IL1RAPL1: variants seen among roughly 807,000 people sequenced by gnomAD.
The protein encoded by IL1RAPL1 is interleukin-1 receptor accessory protein-like 1.
A neutral mutation model predicts 48.4 loss-of-function variants in IL1RAPL1; 3 were observed. The ratio of observed to expected loss-of-function variants is 0.06; its 90% CI spans 0.03 to 0.16. The LOEUF is 0.16. IL1RAPL1 is among the 10% of genes least tolerant of loss of function. The pLI, the probability that IL1RAPL1 is intolerant of heterozygous loss-of-function variation, is 1.00. For synonymous variants in IL1RAPL1, 185 were observed against 187.7 expected (o/e 0.99, Z 0.12); for missense variants, 349 against 530.6 (o/e 0.66, Z 3.36).
At chrX:29,912,773 C>A (rs767767238) in intron 6 of IL1RAPL1, among the ~76,000 whole-genome samples, 32 of 112,060 alleles carry the variant, frequency 2.9e-4, no homozygotes, top group African/African-American at 1.0e-3. Flanking sequence ...TGCTAAAAAC[C>A]TGTTGTGTAA....
chrX:29,303,640 G>A (rs1311452863), intron 3 of IL1RAPL1, among the ~76,000 whole-genome samples: 1 of 111,556 alleles, frequency 9.0e-6, no homozygotes, highest in Admixed American at 9.5e-5. Flanking sequence ...CATATGTTAC[G>A]TAAACCAAAG....
chrX:28,756,882 A>AG (rs1265129647), intron 1 of IL1RAPL1, among the ~76,000 whole-genome samples: 2 of 111,392 alleles, frequency 1.8e-5, no homozygotes, highest in Non-Finnish European at 3.8e-5. Context: ...GTATTGTTAA[A>AG]GGGGGGGCCT....
At chrX:29,051,963 A>G (rs1927102301) in intron 2 of IL1RAPL1, among the ~76,000 whole-genome samples, 1 of 111,888 alleles carries the variant, frequency 8.9e-6, no homozygotes, top group African/African-American at 3.3e-5. Flanking sequence ...TTCTCACTAT[A>G]TGTGTAAAAA....
At chrX:29,573,703 T>C (rs1215494324) in intron 5 of IL1RAPL1, among the ~76,000 whole-genome samples, 4 of 112,539 alleles carry the variant, frequency 3.6e-5, no homozygotes, top group Non-Finnish European at 7.5e-5. Context: ...TTTAGGTAGA[T>C]CCTCGTAAAA....
Position 29,955,584 on chromosome X carries a change from A to T in IL1RAPL1, c.1855A>T (p.Met619Leu), listed in dbSNP as rs1467821768. ...STFHNTYHSQ[M>L]RQKHYYRSYE... ...CTTTCACAACACGTACCATTCACAAATGCGTCAGAAACACTACTACCGAAG... is the reference window on the plus strand; with the variant it reads ...CTTTCACAACACGTACCATTCACAATTGCGTCAGAAACACTACTACCGAAG... Residue 619 changes from methionine (M) to leucine (L), a missense_variant, in exon 11 of 11, where the codon ATG (methionine) becomes TTG (leucine). Coordinates refer to ENST00000378993, the MANE Select transcript of IL1RAPL1 (RefSeq NM_014271.4). 2 of 1,205,710 alleles carry T rather than the reference A, an allele frequency of 1.7e-6. No homozygotes were observed. Among genetic ancestry groups the T allele is most frequent in the South Asian group, 3.6e-5 (2 of 56,246 alleles).
intron 2 of IL1RAPL1, among the ~76,000 whole-genome samples, chrX:29,103,132 T>C (rs1928378263): frequency 9.0e-6 from 1 of 111,681 alleles, no homozygotes; most frequent in Non-Finnish European, 1.9e-5. Flanking sequence ...ATCCAAGAAT[T>C]TATATGGAAC....
Position 29,336,304 on chromosome X carries a change from G to GGTGTGT in IL1RAPL1, c.362+53126_362+53131dup, listed in dbSNP as rs375590826. On this transcript the variant is annotated intron_variant, in intron 3 of 10. Coordinates refer to ENST00000378993, the MANE Select transcript of IL1RAPL1 (RefSeq NM_014271.4). ...TATATATATATATGCACCGTTTTGG[G>GGTGTGT]GTGTGTGTGTGTGTGTGTGTGTGTG... is the stretch of plus-strand genomic sequence containing the variant. Among the ~76,000 whole-genome samples the GGTGTGT allele has an allele frequency of 5.6e-4, 40 of 70,846 alleles. 1 individual carries two copies. Among genetic ancestry groups the GGTGTGT allele is most frequent in the East Asian group, 3.1e-3 (7 of 2,249 alleles). The allele number at this position is 70,846 out of a possible 115,157, so 61.5% of individuals were successfully genotyped here.
intron 2 of IL1RAPL1, among the ~76,000 whole-genome samples, chrX:29,188,273 T>C (rs1428724610): frequency 8.9e-6 from 1 of 112,002 alleles, no homozygotes; most frequent in African/African-American, 3.2e-5. Context: ...TATATTTATC[T>C]TCCTAATTTT....
chrX:29,857,086 T>C (rs1294309565), intron 6 of IL1RAPL1, among the ~76,000 whole-genome samples: 1 of 111,399 alleles, frequency 9.0e-6, no homozygotes, highest in African/African-American at 3.3e-5. Context: ...TCAGCTTCAC[T>C]TGAAATAATT....
intron 6 of IL1RAPL1, among the ~76,000 whole-genome samples, chrX:29,893,609 A>G (rs1601870399): frequency 8.9e-6 from 1 of 111,917 alleles, no homozygotes; most frequent in East Asian, 2.8e-4. Context: ...ATATATATGT[A>G]TAAAATAAAC....
intron 5 of IL1RAPL1, among the ~76,000 whole-genome samples, chrX:29,582,241 G>A (rs1184936686): frequency 9.0e-6 from 1 of 111,097 alleles, no homozygotes; most frequent in Non-Finnish European, 1.9e-5. Context: ...TATGTAGGAG[G>A]CATTTCTAAA....
chrX:28,670,389 TAAG>T (rs1267704044), intron 1 of IL1RAPL1, among the ~76,000 whole-genome samples: 1 of 112,005 alleles, frequency 8.9e-6, no homozygotes, highest in Admixed American at 9.5e-5. Context: ...AAAGTAAAAC[TAAG>T]AAGAAGAAAG....
chrX:29,582,353 T>A lies in IL1RAPL1; in HGVS notation c.704-86077T>A, dbSNP rs12389983. ...AACTAATGATAAAGATAGCATCTTTTTTTTTTTATTTTTTTATTTTTTTAT... is the reference window on the plus strand; with the variant it reads ...AACTAATGATAAAGATAGCATCTTTATTTTTTTATTTTTTTATTTTTTTAT... On this transcript the variant is annotated intron_variant, in intron 5 of 10. Transcript: ENST00000378993. Among the ~76,000 whole-genome samples, 98 of 62,233 alleles carry A rather than the reference T, an allele frequency of 1.6e-3. 1 individual carries two copies. Among genetic ancestry groups the A allele is most frequent in the African/African-American group, 0.011 (70 of 6,287 alleles). 54.0% of individuals were successfully genotyped at this position (62,233 alleles called of 115,157 possible). A position where few individuals can be genotyped will look rare whatever the true frequency, so the allele number is the denominator to read the frequency against.
chrX:29,918,255 AAT>A (rs1427567557), intron 7 of IL1RAPL1, among the ~76,000 whole-genome samples: 2 of 92,471 alleles, frequency 2.2e-5, no homozygotes, highest in African/African-American at 8.0e-5. Flanking sequence ...AAAAAAAAAA[AAT>A]GTTCTTTGGG....
At chrX:29,373,016 G>A (rs1025071116) in intron 3 of IL1RAPL1, among the ~76,000 whole-genome samples, 19 of 110,985 alleles carry the variant, frequency 1.7e-4, no homozygotes, top group African/African-American at 5.9e-4. Flanking sequence ...GCTTTGGGCA[G>A]TATGGCTACT....
intron 2 of IL1RAPL1, among the ~76,000 whole-genome samples, chrX:28,863,239 G>A (rs770692762): frequency 9.0e-6 from 1 of 111,018 alleles, no homozygotes; most frequent in Non-Finnish European, 1.9e-5. Context: ...CAAAGAGCCA[G>A]ATAGAAAATA....
intron 5 of IL1RAPL1, among the ~76,000 whole-genome samples, chrX:29,615,297 T>C (rs765443600): frequency 8.9e-6 from 1 of 111,757 alleles, no homozygotes; most frequent in South Asian, 3.7e-4. Flanking sequence ...AAGGAGTTAC[T>C]ATATATGGTT....
chrX:28,631,907 G>A lies in IL1RAPL1; in HGVS notation c.-25+43860G>A, dbSNP rs1253714480. Reference sequence around the variant, plus strand: ...CTCAAAAGACTCCGATTTAATATTGGCAAGACTCATGAGCTATACCTCTTT... The same window carrying A: ...CTCAAAAGACTCCGATTTAATATTGACAAGACTCATGAGCTATACCTCTTT... On this transcript the variant is annotated intron_variant, in intron 1 of 10. Transcript: ENST00000378993. 3.2e-4 allele frequency among the ~76,000 whole-genome samples: 36 copies of A among 112,347 alleles called. No individual in the cohort carries two copies. The Admixed American group carries it at 3.4e-3, about 11-fold the overall frequency.
At chrX:29,103,359 C>T (rs1371571713) in intron 2 of IL1RAPL1, among the ~76,000 whole-genome samples, 1 of 111,820 alleles carries the variant, frequency 8.9e-6, no homozygotes, top group African/African-American at 3.3e-5. Flanking sequence ...GTGCCAAGAA[C>T]ATACATTGAG....
Sources: gnomAD v4.1 joint callset for allele counts (sites outside exome capture counted in the v4.1 genomes callset) on GRCh38, gnomAD v4.1.1 for gene constraint, MANE v1.5 for transcripts, NCBI Gene and HGNC (gene_info 2026-07-23, HGNC 2026-07-21) for gene names.